The following FER variants were observed in gnomAD, a reference collection of about 807,000 sequenced individuals.
FER encodes the protein FER tyrosine kinase.
A neutral mutation model predicts 111.0 loss-of-function variants in FER; 63 were observed. That is an observed-to-expected ratio of 0.57 (90% confidence interval 0.46 to 0.70). The LOEUF is 0.70. FER is among the 30% of genes least tolerant of loss of function. The pLI is 0.00. For synonymous variants in FER, 327 were observed against 313.9 expected (o/e 1.04, Z -0.44); for missense variants, 914 against 954.0 (o/e 0.96, Z 0.55).
At chr5:109,027,965 T>C (rs907455472) in intron 13 of FER, among the ~76,000 whole-genome samples, 1 of 152,258 alleles carries the variant, frequency 6.6e-6, no homozygotes. Flanking sequence ...TTAAAAGTAC[T>C]ATATTAATGA....
intron 10 of FER, among the ~76,000 whole-genome samples, chr5:108,931,654 A>T (rs573456881): frequency 6.6e-6 from 1 of 152,014 alleles, no homozygotes; most frequent in South Asian, 2.1e-4. Flanking sequence ...ACATGGTGAA[A>T]CCCCGTCTCT....
rs577253271 is a variant in FER at position 109,059,836 on chromosome 5, AT to A, written c.1924+12639del. Among the ~76,000 whole-genome samples, 389 of 152,326 alleles carry A rather than the reference AT, an allele frequency of 2.6e-3. 4 individuals are homozygous for A. The highest frequency in any genetic ancestry group is 4.2e-3 in the Admixed American group (65 of 15,304). On this transcript the variant is annotated intron_variant, in intron 16 of 19. Transcript: ENST00000281092. The stretch of plus-strand genomic sequence containing the variant: ...AAGAATTCCACTACTAGGCATCTAC[AT>A]AAGAGAAATAAAAACCTCTGTCCGT...
At chr5:109,184,332 A>G (rs1050157817) in intron 18 of FER, among the ~76,000 whole-genome samples, 4 of 152,200 alleles carry the variant, frequency 2.6e-5, no homozygotes, top group African/African-American at 7.2e-5. Flanking sequence ...AGTTTGTAAG[A>G]TAAGAACAAT....
intron 10 of FER, among the ~76,000 whole-genome samples, chr5:108,904,696 T>C (rs531442748): frequency 6.6e-6 from 1 of 152,178 alleles, no homozygotes; most frequent in Non-Finnish European, 1.5e-5. Context: ...GTGTGTAGTT[T>C]ATGTGTAAGA....
chr5:109,172,490 G>A (rs958075320), intron 17 of FER, among the ~76,000 whole-genome samples: 1 of 66,590 alleles, frequency 1.5e-5, no homozygotes, highest in African/African-American at 5.6e-5. Flanking sequence ...GTTGTGGGGT[G>A]GGGGGAGGGG....
At chr5:109,025,872 T>A (rs1768655102) in intron 13 of FER, among the ~76,000 whole-genome samples, 1 of 152,194 alleles carries the variant, frequency 6.6e-6, no homozygotes, top group African/African-American at 2.4e-5. Flanking sequence ...AACGTACATA[T>A]TTTTCTAGCT....
chr5:108,964,481 C>T (rs1235500375), intron 13 of FER, among the ~76,000 whole-genome samples: 5 of 152,124 alleles, frequency 3.3e-5, no homozygotes, highest in African/African-American at 1.2e-4. Flanking sequence ...GAGGTGTTTA[C>T]TGACTGTCTA....
At chr5:109,100,628 T>C in intron 17 of FER, 109 bp downstream of exon 17, 1 of 1,132,372 alleles carries the variant, frequency 8.8e-7, no homozygotes, top group Non-Finnish European at 1.2e-6. Context: ...ATGTCTTTTC[T>C]TGTTTTCTGT....
chr5:108,875,613 T>A (rs111239107), intron 8 of FER, among the ~76,000 whole-genome samples: 84 of 152,262 alleles, frequency 5.5e-4, no homozygotes, highest in African/African-American at 1.6e-3. Flanking sequence ...AGAATATATT[T>A]AAGTGTCTGT....
At chr5:108,810,364 G>A (rs911503457) in intron 3 of FER, among the ~76,000 whole-genome samples, 1 of 152,226 alleles carries the variant, frequency 6.6e-6, no homozygotes, top group Non-Finnish European at 1.5e-5. Flanking sequence ...GATCCGTGTA[G>A]TGCACAGTGG....
At chr5:108,936,933 A>G (rs1755552844) in intron 10 of FER, among the ~76,000 whole-genome samples, 1 of 152,034 alleles carries the variant, frequency 6.6e-6, no homozygotes, top group South Asian at 2.1e-4. Context: ...CTATTTAAAT[A>G]GGGATAACTA....
chr5:108,908,671 A>G (rs1299854016), intron 10 of FER, among the ~76,000 whole-genome samples: 1 of 151,306 alleles, frequency 6.6e-6, no homozygotes. Flanking sequence ...CAGTGAGCCG[A>G]GATGGCGCCA....
intron 13 of FER, among the ~76,000 whole-genome samples, chr5:108,964,187 A>G (rs1476323305): frequency 6.6e-6 from 1 of 152,178 alleles, no homozygotes. Context: ...GTTAGAGCGA[A>G]TAAATGTTAT....
intron 3 of FER, among the ~76,000 whole-genome samples, chr5:108,812,740 T>TGCCTA (rs1757894981): frequency 6.6e-6 from 1 of 152,142 alleles, no homozygotes; most frequent in South Asian, 2.1e-4. Context: ...ATTGTGTTAT[T>TGCCTA]TTAATGGTTG....
At chr5:109,068,521 C>T (rs1466753000) in intron 16 of FER, among the ~76,000 whole-genome samples, 1 of 152,128 alleles carries the variant, frequency 6.6e-6, no homozygotes, top group Non-Finnish European at 1.5e-5. Flanking sequence ...AAAAGAAATG[C>T]TCAGTGGGAT....
At chr5:108,891,370 TTTATC>T (rs1180359454) in intron 9 of FER, 1 of 152,128 alleles carries the variant, frequency 6.6e-6, no homozygotes, top group Non-Finnish European at 1.5e-5. Context: ...ACCTTGTCTT[TTTATC>T]TTCTCAAGAG....
At chr5:108,883,973 G>A (rs1393110321) in intron 9 of FER, among the ~76,000 whole-genome samples, 4 of 151,950 alleles carry the variant, frequency 2.6e-5, no homozygotes, top group Non-Finnish European at 5.9e-5. Flanking sequence ...GTGCTATTTT[G>A]TCTTGCTGAT....
chr5:108,893,534 T>C (rs1025872055), intron 9 of FER, among the ~76,000 whole-genome samples: 2 of 152,126 alleles, frequency 1.3e-5, no homozygotes, highest in African/African-American at 4.8e-5. Context: ...TGTAGTTTTA[T>C]AATCTGGCCA....
rs529332094 is a variant in FER at position 108,973,677 on chromosome 5, T to C, written c.1656+14330T>C. Among the ~76,000 whole-genome samples the C allele has an allele frequency of 5.3e-5, 8 of 152,166 alleles. No homozygotes were observed. The South Asian group carries it at 1.5e-3, about 28-fold the overall frequency. On this transcript the variant is annotated intron_variant, in intron 13 of 19. Transcript: ENST00000281092. ...AGCAAAAATCAGTTACAATTTCTTATGTGTCTCTTAGTAATCAAGGATCCT... is the reference window on the plus strand; with the variant it reads ...AGCAAAAATCAGTTACAATTTCTTACGTGTCTCTTAGTAATCAAGGATCCT...
Sources: gnomAD v4.1 joint callset for allele counts (sites outside exome capture counted in the v4.1 genomes callset) on GRCh38, gnomAD v4.1.1 for gene constraint, MANE v1.5 for transcripts, NCBI Gene and HGNC (gene_info 2026-07-23, HGNC 2026-07-21) for gene names.